The following SLC30A8 variants were observed in gnomAD, a reference collection of about 807,000 sequenced individuals.
The protein encoded by SLC30A8 is proton-coupled zinc antiporter SLC30A8.
A neutral mutation model predicts 36.9 loss-of-function variants in SLC30A8; 27 were observed. The observed-to-expected ratio is 0.73, with a 90% CI of 0.54 to 1.01. The LOEUF is 1.01. Among genes scored for constraint, SLC30A8 ranks in the 50% least tolerant of loss-of-function variants. The probability of loss-of-function intolerance (pLI) is 0.00; values close to 1 mark genes in which losing one functional copy is unlikely to be tolerated. For missense variants in SLC30A8, 439 were observed against 452.0 expected (o/e 0.97, Z 0.26); for synonymous variants, 164 against 172.4 (o/e 0.95, Z 0.38).
chr8:117,028,521 T>C (rs1816939551), intron 1 of SLC30A8, among the ~76,000 whole-genome samples: 2 of 151,438 alleles, frequency 1.3e-5, no homozygotes, highest in South Asian at 4.2e-4. Flanking sequence ...TCTTCTGACA[T>C]GTATAAATCT....
chr8:117,142,970 T>C (rs1190738422), intron 1 of SLC30A8, among the ~76,000 whole-genome samples: 1 of 152,164 alleles, frequency 6.6e-6, no homozygotes, highest in African/African-American at 2.4e-5. Context: ...TGTTAGACAT[T>C]CATGGTGAGG....
At chr8:117,063,814 G>C (rs1484872589) in intron 2 of SLC30A8, among the ~76,000 whole-genome samples, 1 of 152,098 alleles carries the variant, frequency 6.6e-6, no homozygotes, top group African/African-American at 2.4e-5. Flanking sequence ...AGACACATTT[G>C]ACATGTGATT....
intron 1 of SLC30A8, among the ~76,000 whole-genome samples, chr8:117,008,320 A>C (rs926447693): frequency 6.6e-6 from 1 of 152,236 alleles, no homozygotes; most frequent in African/African-American, 2.4e-5. Flanking sequence ...TTAACTTCAA[A>C]CTTGTAAGTG....
chr8:117,122,620 G>T (rs1183076995), intron 2 of SLC30A8, among the ~76,000 whole-genome samples: 1 of 151,994 alleles, frequency 6.6e-6, no homozygotes, highest in Non-Finnish European at 1.5e-5. Context: ...GGCCCCAGAT[G>T]AATGCACAGT....
chr8:117,082,005 A>T (rs1486887368), intron 2 of SLC30A8, among the ~76,000 whole-genome samples: 1 of 152,206 alleles, frequency 6.6e-6, no homozygotes, highest in Non-Finnish European at 1.5e-5. Context: ...CATGGGTCAG[A>T]AGTCATTTAG....
chr8:117,160,443 A>ATGTGTGTGTGTG (rs1563635255), intron 4 of SLC30A8, among the ~76,000 whole-genome samples: 1 of 129,670 alleles, frequency 7.7e-6, no homozygotes, highest in African/African-American at 3.6e-5. Context: ...GTGCGCGCAC[A>ATGTGTGTGTGTG]TGTGCGCGCG....
intron 1 of SLC30A8, among the ~76,000 whole-genome samples, chr8:116,967,635 TA>T (rs1318797560): frequency 2.6e-5 from 4 of 152,192 alleles, no homozygotes; most frequent in Non-Finnish European, 5.9e-5. Context: ...AGTCCTTAAA[TA>T]AAAATCAAGT....
chr8:117,082,860 C>T (rs901247632), intron 2 of SLC30A8, among the ~76,000 whole-genome samples: 1 of 152,114 alleles, frequency 6.6e-6, no homozygotes, highest in Non-Finnish European at 1.5e-5. Context: ...AGGACAAGAG[C>T]TCAGGAGAAG....
intron 1 of SLC30A8, among the ~76,000 whole-genome samples, chr8:116,966,370 C>T (rs1814601306): frequency 6.6e-6 from 1 of 152,168 alleles, no homozygotes; most frequent in Admixed American, 6.5e-5. Context: ...TATCTTGCTA[C>T]TCCCTTTTCA....
chr8:117,058,294 A>G (rs1817928991), intron 2 of SLC30A8, among the ~76,000 whole-genome samples: 1 of 152,096 alleles, frequency 6.6e-6, no homozygotes, highest in Non-Finnish European at 1.5e-5. Context: ...TTAATCCCTT[A>G]TCATATATAT....
intron 2 of SLC30A8, among the ~76,000 whole-genome samples, chr8:117,124,030 A>G (rs1367764825): frequency 6.6e-6 from 1 of 151,388 alleles, no homozygotes; most frequent in Admixed American, 6.6e-5. Flanking sequence ...TAGGCTCTTG[A>G]CAGGAGATGT....
intron 2 of SLC30A8, among the ~76,000 whole-genome samples, chr8:117,087,408 C>G (rs1004739709): frequency 1.3e-5 from 2 of 152,190 alleles, no homozygotes; most frequent in African/African-American, 4.8e-5. Flanking sequence ...GTTTTCCTCT[C>G]TCAGCCTTCA....
At chr8:117,038,692 A>T (rs967188135) in intron 1 of SLC30A8, among the ~76,000 whole-genome samples, 14 of 152,248 alleles carry the variant, frequency 9.2e-5, no homozygotes, top group Non-Finnish European at 1.6e-4. Flanking sequence ...TGGGTAGAGT[A>T]AAATCGTACT....
At chr8:116,953,350 T>A (rs1814066054) in intron 1 of SLC30A8, among the ~76,000 whole-genome samples, 1 of 152,180 alleles carries the variant, frequency 6.6e-6, no homozygotes, top group Non-Finnish European at 1.5e-5. Context: ...CCTAATCCCT[T>A]TATTCTTTCT....
rs1459496843 is a variant in SLC30A8 at position 117,111,053 on chromosome 8, T to C, written c.-225-24227T>C. On this transcript the variant is annotated intron_variant, in intron 2 of 10. Transcript: ENST00000427715. ...GTTCTTCCATAACTGTCACATTCTC[T>C]TAGGAAAGCTACCTAACTTTGAGCC... Among the ~76,000 whole-genome samples the C allele has an allele frequency of 3.9e-5, 6 of 152,126 alleles. No homozygotes were observed. In the East Asian group the frequency reaches 1.2e-3, roughly 29 times the overall value.
intron 2 of SLC30A8, among the ~76,000 whole-genome samples, chr8:117,098,487 A>T (rs1013751272): frequency 1.3e-5 from 2 of 152,172 alleles, no homozygotes; most frequent in Non-Finnish European, 2.9e-5. Flanking sequence ...GCTCCCTCCT[A>T]TCCACGGATG....
At chr8:116,969,194 G>A (rs1236011875) in intron 1 of SLC30A8, among the ~76,000 whole-genome samples, 2 of 152,038 alleles carry the variant, frequency 1.3e-5, no homozygotes, top group Non-Finnish European at 2.9e-5. Context: ...GAGGTGGGCG[G>A]ATCATTTGAG....
intron 1 of SLC30A8, among the ~76,000 whole-genome samples, chr8:117,141,336 T>A (rs551462986): frequency 3.9e-5 from 6 of 152,242 alleles, no homozygotes; most frequent in Non-Finnish European, 7.4e-5. Context: ...TAAAATGGGA[T>A]TTATCCCAGT....
At chr8:117,139,988 A>G (rs902563423) in intron 1 of SLC30A8, among the ~76,000 whole-genome samples, 1 of 152,094 alleles carries the variant, frequency 6.6e-6, no homozygotes, top group African/African-American at 2.4e-5. Context: ...AAAGATAGAT[A>G]TGATTTAAAA....
Sources: allele counts gnomAD v4.1 joint callset (sites outside exome capture counted in the v4.1 genomes callset), GRCh38; gene constraint gnomAD v4.1.1; transcripts MANE v1.5; gene names NCBI Gene and HGNC (gene_info 2026-07-23, HGNC 2026-07-21).